SIGLEC12: variants seen among roughly 807,000 people sequenced by gnomAD.
SIGLEC12 encodes sialic acid-binding Ig-like lectin 12.
SIGLEC12 carries 43 observed loss-of-function variants against 54.1 expected under a neutral mutation model. The observed-to-expected ratio is 0.80, with a 90% confidence interval of 0.62 to 1.03. The LOEUF (loss-of-function observed/expected upper bound fraction) is 1.03. SIGLEC12 is among the 50% of genes least tolerant of loss of function. The probability of loss-of-function intolerance (pLI) is 0.00; values close to 1 mark genes in which losing one functional copy is unlikely to be tolerated. For synonymous variants in SIGLEC12, 357 were observed against 307.6 expected (o/e 1.16, Z -1.68); for missense variants, 802 against 735.2 (o/e 1.09, Z -1.05).
rs143060530 is a variant in SIGLEC12 at position 51,499,592 on chromosome 19, C to G, written c.933G>C (p.Gly311=). 6.2e-7 allele frequency: 1 copy of G among 1,612,956 alleles called. No individual in the cohort carries two copies. Among genetic ancestry groups the G allele is most frequent in the Non-Finnish European group, 8.5e-7 (1 of 1,179,450 alleles). ...TGGGGTCCAGGGAGGACACGGAGGC[C>G]CCCATCCAGGTGATCGTGGGGGGCG... is the stretch of plus-strand genomic sequence containing the variant. ...QGTPPTITWM[G]ASVSSLDPTI... Residue 311 remains glycine (G), a synonymous_variant, in exon 3 of 8, where the codon GGG becomes GGC. Transcript: ENST00000291707.
intron 7 of SIGLEC12, among the ~76,000 whole-genome samples, chr19:51,495,252 G>C (rs182239257): frequency 7.8e-6 from 1 of 127,786 alleles, no homozygotes; most frequent in African/African-American, 2.8e-5. Flanking sequence ...TGGATGGACG[G>C]GTGGGTGGGT....
chr19:51,497,194 G>A lies in SIGLEC12; in HGVS notation c.1502+155C>T, dbSNP rs73575438. Among the ~76,000 whole-genome samples, 636 of 152,208 alleles carry A rather than the reference G, an allele frequency of 4.2e-3. 4 individuals are homozygous for A. Among genetic ancestry groups the A allele is most frequent in the African/African-American group, 0.014 (590 of 41,514 alleles). ...CACAGACATGGAGCTCCACAAACAGGGGCGCTCATGAAATTCTTACCATGC... is the reference window on the plus strand; with the variant it reads ...CACAGACATGGAGCTCCACAAACAGAGGCGCTCATGAAATTCTTACCATGC... On this transcript the variant is annotated intron_variant, in intron 6 of 7. Coordinates refer to ENST00000291707, the MANE Select transcript of SIGLEC12 (RefSeq NM_053003.4).
At chr19:51,492,952 G>A (rs1990146644) in intron 7 of SIGLEC12, among the ~76,000 whole-genome samples, 1 of 152,172 alleles carries the variant, frequency 6.6e-6, no homozygotes, top group South Asian at 2.1e-4. Flanking sequence ...AGACTCACAC[G>A]GTGGAGAGTG....
intron 4 of SIGLEC12, 63 bp downstream of exon 4, chr19:51,499,107 C>A (rs200668316): frequency 1.3e-6 from 2 of 1,582,882 alleles, no homozygotes; most frequent in Non-Finnish European, 1.7e-6. Flanking sequence ...CAGGGTGAGT[C>A]CTGGCTCTCC....
chr19:51,501,211 C>T (rs1990384072), intron 1 of SIGLEC12, 96 bp downstream of exon 1: 43 of 1,336,480 alleles, frequency 3.2e-5, no homozygotes, highest in Non-Finnish European at 4.5e-5. Flanking sequence ...GAGTCCATCA[C>T]CCCCGGCCCC....
rs1990098931 is a variant in SIGLEC12, at chr19:51,491,519, G to C, written c.*122C>G. 1.0e-6 allele frequency: 1 copy of C among 954,104 alleles called. No homozygotes were observed. The highest frequency in any genetic ancestry group is 2.2e-5 in the Admixed American group (1 of 45,860). 59.1% of individuals were successfully genotyped at this position (954,104 alleles called of 1,614,324 possible). ...GGCACGCATTTTCAGTTTGACAAGA[G>C]GAATAAGTTCTGATGTCCTGTTGCA... On this transcript the variant is annotated 3_prime_UTR_variant, in exon 8 of 8. Coordinates refer to ENST00000291707, the MANE Select transcript of SIGLEC12 (RefSeq NM_053003.4).
At chr19:51,491,974 G>A in intron 7 of SIGLEC12, 145 bp from the exon 8 acceptor site, 2 of 554,878 alleles carry the variant, frequency 3.6e-6, no homozygotes, top group South Asian at 2.9e-5. Flanking sequence ...TTCCTCTAAT[G>A]TCTAATACTC....
chr19:51,497,123 G>T, intron 6 of SIGLEC12, 147 bp from the exon 7 acceptor site: 5 of 1,310,742 alleles, frequency 3.8e-6, no homozygotes, highest in East Asian at 2.4e-5. Flanking sequence ...CCCCAATGTC[G>T]AAAACAGAGG....
intron 4 of SIGLEC12, among the ~76,000 whole-genome samples, chr19:51,498,686 G>T (rs1340503121): frequency 6.6e-6 from 1 of 152,102 alleles, no homozygotes; most frequent in Non-Finnish European, 1.5e-5. Context: ...CCTAGAGGAG[G>T]GTGCAAACAG....
rs552789190 is a variant in SIGLEC12, at chr19:51,497,320, G to A, written c.1502+29C>T. Reference sequence around the variant, plus strand: ...TTGTTCCCAGCCTGCCCTCCCCCAAGGCTCTTCCTCCCCAGGGTCAATGCT... The same window carrying A: ...TTGTTCCCAGCCTGCCCTCCCCCAAAGCTCTTCCTCCCCAGGGTCAATGCT... On this transcript the variant is annotated intron_variant, in intron 6 of 7. Transcript: ENST00000291707. 1.4e-5 allele frequency: 23 copies of A among 1,593,284 alleles called. No homozygotes were observed. The South Asian group carries it at 2.1e-4, about 15-fold the overall frequency.
At chr19:51,498,790 C>T (rs1322553048) in intron 4 of SIGLEC12, among the ~76,000 whole-genome samples, 1 of 152,188 alleles carries the variant, frequency 6.6e-6, no homozygotes, top group Non-Finnish European at 1.5e-5. Context: ...ATTCTGGGGA[C>T]AGACTCTGCT....
At chr19:51,496,785 G>A (rs778762167) in intron 7 of SIGLEC12, 95 bp downstream of exon 7, 4 of 1,426,704 alleles carry the variant, frequency 2.8e-6, no homozygotes, top group African/African-American at 2.8e-5. Context: ...TTCGGCTGTA[G>A]GGGAAGAAAG....
intron 7 of SIGLEC12, among the ~76,000 whole-genome samples, chr19:51,493,560 ATC>A (rs1169173360): frequency 6.6e-6 from 1 of 151,816 alleles, no homozygotes; most frequent in African/African-American, 2.4e-5. Context: ...TTTCCCCCAG[ATC>A]TCTTTTTTTG....
At chr19:51,495,261 GTGGA>G (rs535638938) in intron 7 of SIGLEC12, among the ~76,000 whole-genome samples, 3,515 of 78,972 alleles carry the variant, frequency 0.045, 321 homozygotes, top group Non-Finnish European at 0.068. Context: ...GGGTGGGTGG[GTGGA>G]TGGATGGATG....
chr19:51,494,677 G>C (rs56069898), intron 7 of SIGLEC12, among the ~76,000 whole-genome samples: 17,466 of 152,164 alleles, frequency 0.11, 1,097 homozygotes, highest in Middle Eastern at 0.25. Context: ...GCTCACGGCA[G>C]CATTATTCAC....
chr19:51,499,076 C>T (rs1990319566), intron 4 of SIGLEC12, 94 bp downstream of exon 4: 1 of 1,402,296 alleles, frequency 7.1e-7, no homozygotes, highest in Admixed American at 1.7e-5. Context: ...GGGGCTCACC[C>T]ACAAAAGGGT....
chr19:51,499,004 T>C (rs1473956467), intron 4 of SIGLEC12, among the ~76,000 whole-genome samples, 166 bp downstream of exon 4: 1 of 145,284 alleles, frequency 6.9e-6, no homozygotes, highest in African/African-American at 2.6e-5. Context: ...TCAAGGGGAG[T>C]GAAGGGGTGA....
At chr19:51,497,536 C>T in intron 5 of SIGLEC12, 91 bp from the exon 6 acceptor site, 1 of 890,898 alleles carries the variant, frequency 1.1e-6, no homozygotes. Context: ...GACTTGGGTA[C>T]CCCAGTCCCG....
rs1275304227 is a variant in SIGLEC12, at chr19:51,499,902, C to A, written c.808+18G>T. 1 of 1,593,456 alleles carries A rather than the reference C, an allele frequency of 6.3e-7. No individual in the cohort carries two copies. The highest frequency in any genetic ancestry group is 1.7e-5 in the Admixed American group (1 of 59,114). On this transcript the variant is annotated intron_variant, in intron 2 of 7. Coordinates refer to ENST00000291707, the MANE Select transcript of SIGLEC12 (RefSeq NM_053003.4). Reference sequence around the variant, plus strand: ...CTCGGGCCTTCCCCTCTGGCTGGTCCTAGAGCCAGAGATTTACCTGTCACA... The same window carrying A: ...CTCGGGCCTTCCCCTCTGGCTGGTCATAGAGCCAGAGATTTACCTGTCACA...
Sources: gnomAD v4.1 joint callset for allele counts (sites outside exome capture counted in the v4.1 genomes callset) on GRCh38, gnomAD v4.1.1 for gene constraint, MANE v1.5 for transcripts, NCBI Gene and HGNC (gene_info 2026-07-23, HGNC 2026-07-21) for gene names.